KLF12: variants seen among roughly 807,000 people sequenced by gnomAD.
KLF12 encodes the protein KLF transcription factor 12.
KLF12 carries 9 observed loss-of-function variants against 37.8 expected under a neutral mutation model. That is an observed-to-expected ratio of 0.24 (90% confidence interval 0.14 to 0.42). The LOEUF (loss-of-function observed/expected upper bound fraction) is 0.42. Among genes scored for constraint, KLF12 ranks in the 10% least tolerant of loss-of-function variants. KLF12 has a pLI of 1.00. For missense variants in KLF12, 411 were observed against 516.0 expected, an observed-to-expected ratio of 0.80 and a Z score of 1.97; for synonymous variants, 208 against 202.1, an observed-to-expected ratio of 1.03 and a Z score of -0.25.
intron 1 of KLF12, among the ~76,000 whole-genome samples, chr13:74,103,912 A>G (rs960517070): frequency 1.1e-4 from 16 of 152,234 alleles, no homozygotes; most frequent in Non-Finnish European, 1.9e-4. Context: ...AAGTTTTGTT[A>G]GAAGTCTATG....
chr13:73,980,394 T>A (rs1891660661), intron 2 of KLF12, among the ~76,000 whole-genome samples: 2 of 152,198 alleles, frequency 1.3e-5, no homozygotes, highest in Non-Finnish European at 2.9e-5. Context: ...AATATTTTTT[T>A]AAAAGTTACA....
At chr13:74,192,301 A>G in the KLF12 span, among the ~76,000 whole-genome samples, 2 of 152,214 alleles carry the variant, frequency 1.3e-5, no homozygotes, top group Admixed American at 6.5e-5. Flanking sequence ...TGCAAACTAT[A>G]TTGAGTATAA....
At chr13:73,718,881 G>A (rs945964622) in intron 6 of KLF12, among the ~76,000 whole-genome samples, 4 of 152,188 alleles carry the variant, frequency 2.6e-5, no homozygotes, top group Non-Finnish European at 4.4e-5. Context: ...GTGAAAGAGC[G>A]AGACCTGTCT....
At chr13:74,058,148 G>C (rs1873356278) in intron 1 of KLF12, among the ~76,000 whole-genome samples, 1 of 151,224 alleles carries the variant, frequency 6.6e-6, no homozygotes, top group African/African-American at 2.4e-5. Flanking sequence ...TGTATTTTTA[G>C]TAGAGATGGG....
the KLF12 span, among the ~76,000 whole-genome samples, chr13:74,176,899 A>G: frequency 1.3e-5 from 2 of 152,296 alleles, no homozygotes; most frequent in Non-Finnish European, 2.9e-5. Flanking sequence ...CTTAATAAAT[A>G]TTGAATTAAT....
At chr13:74,259,195 G>A in the KLF12 span, 3 of 152,218 alleles carry the variant, frequency 2.0e-5, no homozygotes, top group Admixed American at 1.3e-4. Flanking sequence ...GATGCCAAGG[G>A]GATTTGGGCA....
At chr13:73,765,097 T>C in intron 5 of KLF12, 97 bp from the exon 6 acceptor site, 2 of 707,714 alleles carry the variant, frequency 2.8e-6, no homozygotes, top group East Asian at 2.7e-5. Context: ...TCTTTTAGAA[T>C]TGCTTAATAC....
At chr13:74,263,127 G>A in the KLF12 span, among the ~76,000 whole-genome samples, 1 of 152,070 alleles carries the variant, frequency 6.6e-6, no homozygotes, top group African/African-American at 2.4e-5. Context: ...AAGAGAGAAA[G>A]TATTTAAAGT....
intron 5 of KLF12, among the ~76,000 whole-genome samples, chr13:73,780,167 T>C (rs191147632): frequency 1.3e-5 from 2 of 152,314 alleles, no homozygotes; most frequent in Admixed American, 1.3e-4. Flanking sequence ...TATCCTACTT[T>C]GTTTATTTTA....
intron 4 of KLF12, among the ~76,000 whole-genome samples, chr13:73,831,550 T>C (rs1168117668): frequency 6.6e-6 from 1 of 152,202 alleles, no homozygotes; most frequent in Non-Finnish European, 1.5e-5. Context: ...TCAAAAGCAA[T>C]TATTACGCTG....
intron 3 of KLF12, among the ~76,000 whole-genome samples, chr13:73,871,991 G>T (rs1400974818): frequency 6.6e-6 from 1 of 152,130 alleles, no homozygotes; most frequent in South Asian, 2.1e-4. Context: ...TGTTTTTGTG[G>T]AGTTCGTGGA....
At chr13:73,883,224 A>G (rs1409337763) in intron 3 of KLF12, among the ~76,000 whole-genome samples, 2 of 152,222 alleles carry the variant, frequency 1.3e-5, no homozygotes, top group Admixed American at 1.3e-4. Flanking sequence ...GAGAATAGCA[A>G]TAAACTCTTT....
intron 6 of KLF12, among the ~76,000 whole-genome samples, chr13:73,743,821 G>A (rs1278507236): frequency 6.6e-6 from 1 of 152,036 alleles, no homozygotes; most frequent in African/African-American, 2.4e-5. Context: ...CCAAAGTTGT[G>A]GTTTCTAAGA....
At chr13:73,901,052 G>C (rs562078674) in intron 3 of KLF12, among the ~76,000 whole-genome samples, 2 of 152,278 alleles carry the variant, frequency 1.3e-5, no homozygotes, top group Admixed American at 1.3e-4. Context: ...TCTGTAAACA[G>C]TCAGTGCATA....
the KLF12 span, among the ~76,000 whole-genome samples, chr13:74,200,607 G>A: frequency 6.6e-6 from 1 of 152,154 alleles, no homozygotes; most frequent in South Asian, 2.1e-4. Context: ...TCTTCCGATT[G>A]CCCAAGTCAG....
At chr13:73,970,629 T>C (rs1054928948) in intron 2 of KLF12, among the ~76,000 whole-genome samples, 7 of 152,176 alleles carry the variant, frequency 4.6e-5, no homozygotes, top group African/African-American at 1.4e-4. Flanking sequence ...TACAGGAGCA[T>C]GCTAGTGCTA....
At chr13:73,819,998 G>C (rs1883434975) in intron 4 of KLF12, among the ~76,000 whole-genome samples, 1 of 152,186 alleles carries the variant, frequency 6.6e-6, no homozygotes, top group Non-Finnish European at 1.5e-5. Flanking sequence ...AGAGGAGGCA[G>C]AGGAGGGCAT....
At chr13:73,894,517 T>C (rs1378247658) in intron 3 of KLF12, among the ~76,000 whole-genome samples, 1 of 152,236 alleles carries the variant, frequency 6.6e-6, no homozygotes, top group Non-Finnish European at 1.5e-5. Flanking sequence ...ATTTAGTTAC[T>C]GATGGAGCAT....
At chr13:73,889,288 G>A (rs929137222) in intron 3 of KLF12, among the ~76,000 whole-genome samples, 2 of 152,064 alleles carry the variant, frequency 1.3e-5, no homozygotes, top group Admixed American at 6.5e-5. Flanking sequence ...CATACATAGC[G>A]CCAATCTCCA....
Sources: gnomAD v4.1 joint callset for allele counts (sites outside exome capture counted in the v4.1 genomes callset) on GRCh38, gnomAD v4.1.1 for gene constraint, MANE v1.5 for transcripts, NCBI Gene and HGNC (gene_info 2026-07-23, HGNC 2026-07-21) for gene names.